Variants in TTC3 observed in about 807,000 individuals in gnomAD.
TTC3 encodes the protein E3 ubiquitin-protein ligase TTC3.
In TTC3, 180 loss-of-function variants were observed where a neutral mutation model predicts 249.6. The ratio of observed to expected loss-of-function variants is 0.72; its 90% CI spans 0.64 to 0.82. The LOEUF (loss-of-function observed/expected upper bound fraction) is 0.82, where lower values mean the gene tolerates loss of function less well. TTC3 is among the 40% of genes least tolerant of loss of function. The pLI is 0.00. For missense variants in TTC3, 2,061 were observed against 2,398.4 expected (o/e 0.86, Z 2.94); for synonymous variants, 717 against 805.0 (o/e 0.89, Z 1.85).
intron 28 of TTC3, 152 bp from the exon 29 acceptor site, chr21:37,159,547 C>T (rs1372003095): frequency 5.2e-6 from 4 of 774,688 alleles, no homozygotes; most frequent in Non-Finnish European, 8.0e-6. Context: ...CCATTTTGCC[C>T]TTGGTTTCTA....
At chr21:37,090,623 A>C in intron 6 of TTC3, 1 of 780,814 alleles carries the variant, frequency 1.3e-6, no homozygotes, top group Non-Finnish European at 1.6e-6. Flanking sequence ...ATTACTAGGT[A>C]ATCTCCAGAT....
chr21:37,110,622 G>C (rs1451288244), intron 11 of TTC3, among the ~76,000 whole-genome samples: 1 of 152,094 alleles, frequency 6.6e-6, no homozygotes, highest in East Asian at 1.9e-4. Context: ...AACCAAGTTG[G>C]AAATATCTGT....
intron 11 of TTC3, among the ~76,000 whole-genome samples, chr21:37,117,839 AAAAAAAAAAAAAAAG>A (rs1158302335): frequency 1.4e-5 from 2 of 145,574 alleles, no homozygotes; most frequent in East Asian, 3.9e-4. Context: ...CCACTTCAAA[AAAAAAAAAAAAAAAG>A]AAAAAAGAAA....
At chr21:37,176,738 C>T (rs1427697221) in intron 35 of TTC3, among the ~76,000 whole-genome samples, 2 of 152,164 alleles carry the variant, frequency 1.3e-5, no homozygotes, top group African/African-American at 2.4e-5. Context: ...AATAAATCTC[C>T]ATGTTACTGG....
At chr21:37,154,878 G>A (rs138040269) in intron 27 of TTC3, among the ~76,000 whole-genome samples, 2 of 152,094 alleles carry the variant, frequency 1.3e-5, no homozygotes, top group African/African-American at 4.8e-5. Flanking sequence ...TGTATTTTTA[G>A]TAGAGACGGG....
chr21:37,102,411 G>A (rs2074602270), intron 10 of TTC3, among the ~76,000 whole-genome samples: 1 of 152,172 alleles, frequency 6.6e-6, no homozygotes, highest in South Asian at 2.1e-4. Context: ...TCAATAAATA[G>A]CATCTCCTTT....
In TTC3 at chr21:37,152,968, C is replaced by T. The variant is rs145296151; in HGVS notation, c.2431C>T (p.Gln811Ter). 1 of 1,599,628 alleles carries T rather than the reference C, an allele frequency of 6.3e-7. No homozygotes were observed. The highest frequency in any genetic ancestry group is 8.5e-7 in the Non-Finnish European group (1 of 1,171,734). Reference sequence around the variant, plus strand: ...ATCCTTAGAAACTGTAGACAATGTTCAGCGTTGTCAGTTCCTTGATGACAG... The same window carrying T: ...ATCCTTAGAAACTGTAGACAATGTTTAGCGTTGTCAGTTCCTTGATGACAG... Residue 811 changes from glutamine (Q) to a stop codon, truncating the protein, a stop_gained, in exon 27 of 46, where the codon CAG (glutamine) becomes TAG (stop). Coordinates refer to ENST00000355666, the Ensembl canonical transcript of TTC3. LOFTEE classifies it high-confidence loss of function.
At chr21:37,109,941 A>G (rs2075490309) in intron 11 of TTC3, among the ~76,000 whole-genome samples, 1 of 152,226 alleles carries the variant, frequency 6.6e-6, no homozygotes, top group South Asian at 2.1e-4. Flanking sequence ...GCTGATACCC[A>G]GGCAAACAGG....
chr21:37,135,465 C>T (rs764003340), exon 18 of TTC3: 3 of 1,614,022 alleles, frequency 1.9e-6, no homozygotes, highest in Non-Finnish European at 2.5e-6. Context: ...CGCAGCGCTG[C>T]ACAGGCCTTT....
intron 10 of TTC3, among the ~76,000 whole-genome samples, chr21:37,101,956 T>C (rs2074551686): frequency 6.7e-6 from 1 of 149,194 alleles, no homozygotes; most frequent in Non-Finnish European, 1.5e-5. Context: ...ATATAGATTA[T>C]TTTATTTACA....
At chr21:37,109,649 A>G (rs1399590308) in intron 11 of TTC3, among the ~76,000 whole-genome samples, 9 of 152,140 alleles carry the variant, frequency 5.9e-5, no homozygotes, top group African/African-American at 9.6e-5. Context: ...GGCACAGACA[A>G]ACAAAAGACA....
At chr21:37,156,529 T>C (rs1218194590) in intron 27 of TTC3, 126 bp from the exon 28 acceptor site, 1 of 1,191,352 alleles carries the variant, frequency 8.4e-7, no homozygotes, top group African/African-American at 1.5e-5. Context: ...TTCTCAACTA[T>C]TTAAATGTTT....
intron 13 of TTC3, among the ~76,000 whole-genome samples, chr21:37,124,112 CTTT>C (rs60916518): frequency 2.4e-4 from 15 of 61,282 alleles, no homozygotes; most frequent in South Asian, 2.1e-3. Context: ...TTGAACTGTT[CTTT>C]TTTTTTTTTT....
intron 39 of TTC3, among the ~76,000 whole-genome samples, chr21:37,189,534 G>A (rs765328325): frequency 2.2e-4 from 31 of 141,594 alleles, no homozygotes; most frequent in Admixed American, 1.9e-3. Flanking sequence ...ATGAGCCACC[G>A]TACCTGGCCT....
intron 36 of TTC3, 115 bp from the exon 37 acceptor site, chr21:37,185,591 A>G (rs991373209): frequency 2.6e-5 from 13 of 493,806 alleles, no homozygotes; most frequent in Middle Eastern, 5.5e-4. Flanking sequence ...ATGTAAAAAT[A>G]TATATATTAA....
intron 11 of TTC3, among the ~76,000 whole-genome samples, chr21:37,119,839 C>T (rs948436136): frequency 1.3e-5 from 2 of 151,982 alleles, no homozygotes; most frequent in African/African-American, 2.4e-5. Context: ...AGAGTGTAGG[C>T]GCTCTTGGTT....
intron 16 of TTC3, among the ~76,000 whole-genome samples, chr21:37,130,428 C>T (rs1442928038): frequency 6.6e-6 from 1 of 152,042 alleles, no homozygotes; most frequent in Non-Finnish European, 1.5e-5. Context: ...TTTTGTTTCA[C>T]TTTTCCAACT....
intron 10 of TTC3, among the ~76,000 whole-genome samples, chr21:37,100,523 C>T (rs1389005057): frequency 1.4e-5 from 2 of 146,508 alleles, no homozygotes; most frequent in African/African-American, 5.0e-5. Flanking sequence ...CTTCTGGTGG[C>T]AGTGGCAGTG....
intron 33 of TTC3, among the ~76,000 whole-genome samples, chr21:37,166,900 A>G (rs4817853): frequency 5.3e-5 from 8 of 152,146 alleles, no homozygotes; most frequent in Admixed American, 5.2e-4. Flanking sequence ...TCATCCTAAG[A>G]ATTAATAAAG....
Sources: gnomAD v4.1 joint callset for allele counts (sites outside exome capture counted in the v4.1 genomes callset) on GRCh38, gnomAD v4.1.1 for gene constraint, MANE v1.5 for transcripts, NCBI Gene and HGNC (gene_info 2026-07-23, HGNC 2026-07-21) for gene names.